The following PCSK2 variants were observed in gnomAD, a reference collection of about 807,000 sequenced individuals.
PCSK2 encodes the protein proprotein convertase subtilisin/kexin type 2.
A neutral mutation model predicts 69.7 loss-of-function variants in PCSK2; 14 were observed. The ratio of observed to expected loss-of-function variants is 0.20; its 90% CI spans 0.13 to 0.31. PCSK2 has a LOEUF of 0.31. PCSK2 is among the 10% of genes least tolerant of loss of function. PCSK2 has a pLI of 1.00. For synonymous variants in PCSK2, 307 were observed against 320.7 expected, an observed-to-expected ratio of 0.96 and a Z score of 0.46; for missense variants, 544 against 842.5, an observed-to-expected ratio of 0.65 and a Z score of 4.39.
Position 17,369,292 on chromosome 20 carries a change from A to G in PCSK2, c.543+15A>G, listed in dbSNP as rs1568621573. ...CCTCCAACTATGTAAGTACAAGCCA[A>G]CTTTGGTGGGGAAACAGATGCATCT... On this transcript the variant is annotated intron_variant, in intron 5 of 11. Coordinates refer to ENST00000262545, the MANE Select transcript of PCSK2 (RefSeq NM_002594.5). The G allele has an allele frequency of 2.5e-6, 4 of 1,611,180 alleles. No individual in the cohort carries two copies. Among genetic ancestry groups the G allele is most frequent in the Non-Finnish European group, 3.4e-6 (4 of 1,177,336 alleles).
chr20:17,438,778 G>C (rs1159866262), intron 8 of PCSK2, among the ~76,000 whole-genome samples: 3 of 152,378 alleles, frequency 2.0e-5, no homozygotes, highest in Non-Finnish European at 1.5e-5. Flanking sequence ...CACAGCCGAT[G>C]ACTAAGGCAG....
chr20:17,435,226 G>T (rs1163800251), intron 7 of PCSK2, among the ~76,000 whole-genome samples: 10 of 152,160 alleles, frequency 6.6e-5, no homozygotes, highest in Non-Finnish European at 1.5e-5. Flanking sequence ...AATAATGCCA[G>T]ATATTTATTC....
intron 1 of PCSK2, among the ~76,000 whole-genome samples, chr20:17,254,969 T>C (rs1987122134): frequency 6.6e-6 from 1 of 152,262 alleles, no homozygotes; most frequent in South Asian, 2.1e-4. Flanking sequence ...ATGCTTGGAT[T>C]GTTCATTGCT....
At chr20:17,376,990 A>G (rs533194483) in intron 5 of PCSK2, among the ~76,000 whole-genome samples, 1 of 152,334 alleles carries the variant, frequency 6.6e-6, no homozygotes, top group Admixed American at 6.5e-5. Context: ...ACCACCTCAT[A>G]GGTGGATGCC....
chr20:17,424,467 T>C (rs2032201315), intron 6 of PCSK2, among the ~76,000 whole-genome samples: 1 of 151,986 alleles, frequency 6.6e-6, no homozygotes, highest in Non-Finnish European at 1.5e-5. Context: ...TCTGTAAAGA[T>C]TTATGTTGTT....
chr20:17,346,860 T>C (rs1990667044), intron 2 of PCSK2, among the ~76,000 whole-genome samples: 1 of 152,252 alleles, frequency 6.6e-6, no homozygotes, highest in East Asian at 1.9e-4. Flanking sequence ...CCAACCAATA[T>C]AGAAGCTGAG....
intron 2 of PCSK2, among the ~76,000 whole-genome samples, chr20:17,266,352 T>C (rs1987600854): frequency 6.6e-6 from 1 of 152,204 alleles, no homozygotes; most frequent in Non-Finnish European, 1.5e-5. Flanking sequence ...ACAAAATATT[T>C]CCTAAACGCA....
chr20:17,481,547 C>A, intron 11 of PCSK2, 37 bp from the exon 12 acceptor site: 1 of 1,592,786 alleles, frequency 6.3e-7, no homozygotes, highest in South Asian at 1.2e-5. Flanking sequence ...GTGCACCCAC[C>A]ACTGCTTATC....
chr20:17,265,193 T>C (rs1008210839), intron 2 of PCSK2, among the ~76,000 whole-genome samples: 1 of 152,186 alleles, frequency 6.6e-6, no homozygotes, highest in Non-Finnish European at 1.5e-5. Context: ...TCTTTTGTCT[T>C]GACCACACCT....
At chr20:17,394,396 G>A (rs1005657894) in intron 5 of PCSK2, among the ~76,000 whole-genome samples, 28 of 152,188 alleles carry the variant, frequency 1.8e-4, no homozygotes, top group Admixed American at 1.4e-3. Context: ...ATGGAAAAGC[G>A]AGGGATATCT....
At chr20:17,287,514 A>G (rs2123059038) in intron 2 of PCSK2, among the ~76,000 whole-genome samples, 1 of 151,936 alleles carries the variant, frequency 6.6e-6, no homozygotes, top group Non-Finnish European at 1.5e-5. Flanking sequence ...TGAGGAAGTA[A>G]ACAGGTCAAG....
chr20:17,262,680 A>G (rs1182334562), intron 2 of PCSK2, among the ~76,000 whole-genome samples: 1 of 152,222 alleles, frequency 6.6e-6, no homozygotes, highest in Non-Finnish European at 1.5e-5. Flanking sequence ...GCTGTTAAAC[A>G]AAAGGGTAAA....
intron 5 of PCSK2, among the ~76,000 whole-genome samples, chr20:17,397,389 T>C (rs1441682902): frequency 6.6e-6 from 1 of 152,186 alleles, no homozygotes; most frequent in African/African-American, 2.4e-5. Context: ...ACTTGTTTAA[T>C]AGCAGGAAAC....
intron 4 of PCSK2, among the ~76,000 whole-genome samples, chr20:17,366,050 G>A (rs887784468): frequency 6.6e-6 from 1 of 152,182 alleles, no homozygotes. Flanking sequence ...CTTAGTGGGG[G>A]TTTTCTATGG....
At chr20:17,390,643 GGTCTAGTTTAATCATTT>G in intron 5 of PCSK2, among the ~76,000 whole-genome samples, 1 of 152,062 alleles carries the variant, frequency 6.6e-6, no homozygotes, top group Middle Eastern at 3.4e-3. Context: ...CTCTAAAAGG[GGTCTAGTTTAATCATTT>G]GTACTAATTT....
Position 17,335,427 on chromosome 20 carries a change from TTGTG to T in PCSK2, c.283-22868_283-22865del, listed in dbSNP as rs56275148. On this transcript the variant is annotated intron_variant, in intron 2 of 11. Transcript: ENST00000262545. ...AGTCAGACAGCATCACAGCATCACT[TTGTG>T]TGTGTGTGTGTGTGTGTGTGTGTGT... Among the ~76,000 whole-genome samples, 1,038 of 139,274 alleles carry T rather than the reference TTGTG, an allele frequency of 7.5e-3. 2 individuals are homozygous for T. Among genetic ancestry groups the T allele is most frequent in the African/African-American group, 0.014 (510 of 37,162 alleles). The allele number at this position is 139,274 out of a possible 152,430, so 91.4% of individuals were successfully genotyped here.
chr20:17,344,430 G>A (rs933557429), intron 2 of PCSK2, among the ~76,000 whole-genome samples: 4 of 152,146 alleles, frequency 2.6e-5, no homozygotes, highest in African/African-American at 9.7e-5. Flanking sequence ...GGAAATAATT[G>A]ACAAGGCACC....
chr20:17,281,834 G>T (rs941102082), intron 2 of PCSK2, among the ~76,000 whole-genome samples: 1 of 152,190 alleles, frequency 6.6e-6, no homozygotes, highest in Non-Finnish European at 1.5e-5. Flanking sequence ...ACTCTCACCT[G>T]ATTCTCATGC....
intron 5 of PCSK2, among the ~76,000 whole-genome samples, chr20:17,372,189 C>T (rs2030786947): frequency 6.6e-6 from 1 of 151,994 alleles, no homozygotes; most frequent in Non-Finnish European, 1.5e-5. Flanking sequence ...ACCATACTGG[C>T]TAACACGGTG....
Sources: gnomAD v4.1 joint callset for allele counts (sites outside exome capture counted in the v4.1 genomes callset) on GRCh38, gnomAD v4.1.1 for gene constraint, MANE v1.5 for transcripts, NCBI Gene and HGNC (gene_info 2026-07-23, HGNC 2026-07-21) for gene names.